Variants in RALYL observed in about 807,000 individuals in gnomAD.
The protein encoded by RALYL is RNA-binding Raly-like protein.
Under a neutral mutation model 35.1 loss-of-function variants are expected in RALYL, and 29 were observed. That is an observed-to-expected ratio of 0.83 (90% CI 0.61 to 1.13). The LOEUF is 1.13. RALYL is among the 50% of genes most tolerant of loss of function. The pLI is 0.00. For missense variants in RALYL, 359 were observed against 360.4 expected, an observed-to-expected ratio of 1.00 and a Z score of 0.03; for synonymous variants, 120 against 127.6, an observed-to-expected ratio of 0.94 and a Z score of 0.40.
At chr8:84,550,590 T>C (rs900915741) in intron 2 of RALYL, among the ~76,000 whole-genome samples, 1 of 151,368 alleles carries the variant, frequency 6.6e-6, no homozygotes, top group Non-Finnish European at 1.5e-5. Context: ...TAAAATATTA[T>C]ATATTTGATT....
chr8:84,519,125 C>A (rs775687468), intron 1 of RALYL, among the ~76,000 whole-genome samples: 29 of 152,110 alleles, frequency 1.9e-4, no homozygotes, highest in Non-Finnish European at 4.0e-4. Flanking sequence ...CCTTGACTCT[C>A]CAGATTTGCT....
intron 1 of RALYL, among the ~76,000 whole-genome samples, chr8:84,260,135 G>A (rs934516791): frequency 2.0e-5 from 3 of 152,072 alleles, no homozygotes; most frequent in Non-Finnish European, 4.4e-5. Context: ...AAAGTTAACC[G>A]ATTATTTCTG....
At chr8:84,477,494 T>C (rs921661824) in intron 1 of RALYL, among the ~76,000 whole-genome samples, 2 of 149,540 alleles carry the variant, frequency 1.3e-5, no homozygotes, top group African/African-American at 2.4e-5. Context: ...AATTTATATA[T>C]ACATTCAATA....
chr8:84,373,354 T>A (rs1305859921), intron 1 of RALYL, among the ~76,000 whole-genome samples: 1 of 151,978 alleles, frequency 6.6e-6, no homozygotes, highest in South Asian at 2.1e-4. Flanking sequence ...AGTTTCAGGT[T>A]TTACATTTAA....
intron 1 of RALYL, among the ~76,000 whole-genome samples, chr8:84,428,348 A>G (rs750381025): frequency 3.9e-5 from 6 of 152,138 alleles, no homozygotes; most frequent in Non-Finnish European, 5.9e-5. Context: ...AAATTCCATC[A>G]CCTCCGAGGA....
intron 1 of RALYL, among the ~76,000 whole-genome samples, chr8:84,391,327 A>G (rs556438687): frequency 6.6e-6 from 1 of 152,096 alleles, no homozygotes; most frequent in South Asian, 2.1e-4. Flanking sequence ...CTCAATATTT[A>G]GGGTTTAGCT....
chr8:84,907,737 C>A (rs1186411988), intron 8 of RALYL, among the ~76,000 whole-genome samples: 1 of 152,004 alleles, frequency 6.6e-6, no homozygotes, highest in Non-Finnish European at 1.5e-5. Context: ...TATTAAATTA[C>A]CTCATTATTT....
At chr8:84,835,522 A>C (rs1021355212) in intron 4 of RALYL, among the ~76,000 whole-genome samples, 1 of 150,392 alleles carries the variant, frequency 6.6e-6, no homozygotes, top group Non-Finnish European at 1.5e-5. Flanking sequence ...AAAAAAAAAA[A>C]AAAATACAAA....
At chr8:84,672,760 G>C (rs1042441651) in intron 2 of RALYL, among the ~76,000 whole-genome samples, 2 of 152,160 alleles carry the variant, frequency 1.3e-5, no homozygotes, top group African/African-American at 4.8e-5. Context: ...CATGAGAACA[G>C]CACAGGAAAA....
chr8:84,893,101 G>C (rs192460074), intron 8 of RALYL, among the ~76,000 whole-genome samples: 7 of 152,246 alleles, frequency 4.6e-5, no homozygotes, highest in Non-Finnish European at 8.8e-5. Context: ...GTTTATAGTT[G>C]GGGAACCAGA....
chr8:84,540,642 C>T (rs901751858), intron 2 of RALYL, among the ~76,000 whole-genome samples: 6 of 151,654 alleles, frequency 4.0e-5, no homozygotes, highest in Admixed American at 6.6e-5. Context: ...CTGGTTATGT[C>T]CATGCCATTT....
intron 2 of RALYL, among the ~76,000 whole-genome samples, chr8:84,734,659 T>C (rs1050089742): frequency 6.6e-6 from 1 of 152,128 alleles, no homozygotes; most frequent in African/African-American, 2.4e-5. Flanking sequence ...TCTTATGAGA[T>C]AGTTCTGTTC....
chr8:84,343,953 A>C (rs1325473215), intron 1 of RALYL, among the ~76,000 whole-genome samples: 1 of 151,896 alleles, frequency 6.6e-6, no homozygotes, highest in Non-Finnish European at 1.5e-5. Context: ...AGATAACTGG[A>C]TATGACCTGC....
chr8:84,520,888 A>T (rs1040098958), intron 1 of RALYL, among the ~76,000 whole-genome samples: 1 of 152,196 alleles, frequency 6.6e-6, no homozygotes, highest in Non-Finnish European at 1.5e-5. Flanking sequence ...GGTGCCAAAC[A>T]GTTTGGGGAC....
intron 1 of RALYL, among the ~76,000 whole-genome samples, chr8:84,486,043 G>A (rs1007177599): frequency 2.3e-5 from 3 of 127,738 alleles, no homozygotes; most frequent in African/African-American, 2.9e-5. Flanking sequence ...GGAAGAGTTA[G>A]AATTTAGACA....
In RALYL at chr8:84,202,207, T is replaced by TA. The variant is rs538306861; in HGVS notation, c.-24+17795dup. On this transcript the variant is annotated intron_variant, in intron 1 of 8. Coordinates refer to ENST00000521268, the MANE Select transcript of RALYL (RefSeq NM_173848.7). ...ATAGACTTAATTTATATTTTTGGTT[T>TA]AAAAAAAAAAAATAAAGCCTAGCTC... Among the ~76,000 whole-genome samples the TA allele has an allele frequency of 1.4e-3, 205 of 146,266 alleles. 1 individual carries two copies. Among genetic ancestry groups the TA allele is most frequent in the South Asian group, 7.8e-3 (36 of 4,642 alleles).
At chr8:84,423,815 G>C (rs560796491) in intron 1 of RALYL, among the ~76,000 whole-genome samples, 21 of 151,348 alleles carry the variant, frequency 1.4e-4, no homozygotes, top group African/African-American at 4.9e-4. Context: ...ATGAAGCTTA[G>C]TTTGGCTGGA....
intron 2 of RALYL, among the ~76,000 whole-genome samples, chr8:84,735,005 T>TTGTG (rs3068131): frequency 0.02 from 2,903 of 146,620 alleles, 39 homozygotes; most frequent in South Asian, 0.034. Flanking sequence ...ATAGATATGT[T>TTGTG]TGTGTGTGTG....
chr8:84,310,101 T>G (rs1586160678), intron 1 of RALYL, among the ~76,000 whole-genome samples: 1 of 151,722 alleles, frequency 6.6e-6, no homozygotes, highest in South Asian at 2.1e-4. Flanking sequence ...CAGGCTGGAG[T>G]GCAATGGCAT....
Sources: gnomAD v4.1 joint callset for allele counts (sites outside exome capture counted in the v4.1 genomes callset) on GRCh38, gnomAD v4.1.1 for gene constraint, MANE v1.5 for transcripts, NCBI Gene and HGNC (gene_info 2026-07-23, HGNC 2026-07-21) for gene names.